Variants in VNN1 observed in about 807,000 individuals in gnomAD.
VNN1 encodes the protein pantetheinase.
Under a neutral mutation model 41.9 loss-of-function variants are expected in VNN1, and 29 were observed. The observed-to-expected ratio is 0.69, with a 90% CI of 0.52 to 0.94. VNN1 has a LOEUF of 0.94. VNN1 is among the 40% of genes least tolerant of loss of function. The pLI is 0.00. For missense variants in VNN1, 637 were observed against 621.1 expected, an observed-to-expected ratio of 1.03 and a Z score of -0.27; for synonymous variants, 233 against 224.4, an observed-to-expected ratio of 1.04 and a Z score of -0.34.
intron 2 of VNN1, among the ~76,000 whole-genome samples, chr6:132,700,411 T>A (rs1056202074): frequency 1.3e-5 from 2 of 152,104 alleles, no homozygotes; most frequent in Non-Finnish European, 2.9e-5. Context: ...GATGGGACAA[T>A]GGCAGCAGGC....
At chr6:132,702,463 G>T (rs1778460318) in intron 2 of VNN1, among the ~76,000 whole-genome samples, 1 of 152,146 alleles carries the variant, frequency 6.6e-6, no homozygotes, top group Non-Finnish European at 1.5e-5. Context: ...CAATTCCTAG[G>T]CAAGTCCTAG....
chr6:132,692,111 C>A, intron 5 of VNN1, 112 bp downstream of exon 5: 1 of 1,236,588 alleles, frequency 8.1e-7, no homozygotes, highest in South Asian at 2.5e-5. Flanking sequence ...TACATAAATC[C>A]CCAAAAGTGT....
At position 132,684,589 on chromosome 6, in the gene VNN1, G is replaced by A. The variant is rs1021007454; in HGVS notation, c.1189-84C>T. On this transcript the variant is annotated intron_variant, in intron 5 of 6. Transcript: ENST00000367928. ...GCTTGATTTAATCATTTCACGGTGT[G>A]TACACATATCAAAACGTCACATCAT... is the stretch of plus-strand genomic sequence containing the variant. 21 of 1,398,496 alleles carry A rather than the reference G, an allele frequency of 1.5e-5. No homozygotes were observed. The African/African-American group carries it at 2.1e-4, about 14-fold the overall frequency. The allele number at this position is 1,398,496 out of a possible 1,614,324, so 86.6% of individuals were successfully genotyped here.
chr6:132,683,089 A>T lies in VNN1; in HGVS notation c.*51T>A. On this transcript the variant is annotated 3_prime_UTR_variant, in exon 7 of 7. Transcript: ENST00000367928. Reference sequence around the variant, plus strand: ...AACCCGGACCAATCTTTCTTTTCTCATCCATCATTTTTTAAATTATCCCAA... The same window carrying T: ...AACCCGGACCAATCTTTCTTTTCTCTTCCATCATTTTTTAAATTATCCCAA... The T allele has an allele frequency of 6.6e-7, 1 of 1,521,136 alleles. No homozygotes were observed. Among genetic ancestry groups the T allele is most frequent in the South Asian group, 1.2e-5 (1 of 80,124 alleles). 94.2% of individuals were successfully genotyped at this position (1,521,136 alleles called of 1,614,324 possible). A position where few individuals can be genotyped will look rare whatever the true frequency, so the allele number is the denominator to read the frequency against.
Position 132,680,961 on chromosome 6 carries a change from G to C in VNN1, c.*2179C>G, listed in dbSNP as rs1163429948. Reference sequence around the variant, plus strand: ...TATTTTGAAATACATATCACATATAGCAAAAAGAAAAGGAAAACAATCCTA... The same window carrying C: ...TATTTTGAAATACATATCACATATACCAAAAAGAAAAGGAAAACAATCCTA... On this transcript the variant is annotated 3_prime_UTR_variant, in exon 7 of 7. Transcript: ENST00000367928. Among the ~76,000 whole-genome samples the C allele has an allele frequency of 2.0e-5, 3 of 152,002 alleles. No individual in the cohort carries two copies. Among genetic ancestry groups the C allele is most frequent in the Non-Finnish European group, 4.4e-5 (3 of 68,006 alleles).
At position 132,681,574 on chromosome 6, in the gene VNN1, A is replaced by C. The variant is rs1778121978; in HGVS notation, c.*1566T>G. 6.6e-6 allele frequency: 1 copy of C among 152,374 alleles called. No homozygotes were observed. The highest frequency in any genetic ancestry group is 2.4e-5 in the African/African-American group (1 of 41,460). The allele number at this position is 152,374 out of a possible 1,614,324, so 9.4% of individuals were successfully genotyped here. ...ACTATAGTTGACAACGTTGAGCAAA[A>C]AAGAAACACTTAGGATGTTTTTGAA... On this transcript the variant is annotated 3_prime_UTR_variant, in exon 7 of 7. Transcript: ENST00000367928.
At chr6:132,712,413 G>A (rs1037394370) in intron 1 of VNN1, among the ~76,000 whole-genome samples, 1 of 152,052 alleles carries the variant, frequency 6.6e-6, no homozygotes, top group Non-Finnish European at 1.5e-5. Context: ...GCCTCCCAAA[G>A]TGTTGGAATT....
chr6:132,712,618 G>A (rs774591469), intron 1 of VNN1, among the ~76,000 whole-genome samples: 1 of 152,036 alleles, frequency 6.6e-6, no homozygotes, highest in Non-Finnish European at 1.5e-5. Flanking sequence ...TTCCTCCTCT[G>A]CCCTAGCTTT....
chr6:132,706,564 C>T (rs943084412), intron 2 of VNN1, among the ~76,000 whole-genome samples: 12 of 152,118 alleles, frequency 7.9e-5, no homozygotes, highest in Non-Finnish European at 1.3e-4. Flanking sequence ...TAAAAGAAAA[C>T]TTTGGGGAAA....
chr6:132,696,421 A>T (rs548534598), intron 2 of VNN1, among the ~76,000 whole-genome samples: 1 of 152,302 alleles, frequency 6.6e-6, no homozygotes, highest in African/African-American at 2.4e-5. Context: ...AAAACTTCCC[A>T]AACTTGAAGA....
chr6:132,710,373 T>C (rs1431705362), intron 2 of VNN1, among the ~76,000 whole-genome samples: 1 of 152,100 alleles, frequency 6.6e-6, no homozygotes, highest in Non-Finnish European at 1.5e-5. Context: ...TTTTTAATTT[T>C]AGTATTATTA....
rs149462870 is a variant in VNN1, at chr6:132,705,206, G to A, written c.341+6503C>T. 9.6e-3 allele frequency among the ~76,000 whole-genome samples: 1,457 copies of A among 151,880 alleles called. 14 individuals carry two copies. Among genetic ancestry groups the A allele is most frequent in the Non-Finnish European group, 0.015 (1,036 of 67,858 alleles). ...TAGTATTATACTATACCAAAACCAG[G>A]CAAAGACACATAAAAAAGAAAACTA... On this transcript the variant is annotated intron_variant, in intron 2 of 6. Transcript: ENST00000367928.
intron 2 of VNN1, among the ~76,000 whole-genome samples, chr6:132,704,100 C>T (rs1025294439): frequency 6.6e-6 from 1 of 151,702 alleles, no homozygotes; most frequent in Non-Finnish European, 1.5e-5. Context: ...GATCCCAATG[C>T]AATAATAGCT....
intron 5 of VNN1, among the ~76,000 whole-genome samples, chr6:132,688,999 C>T (rs1344560404): frequency 6.6e-6 from 1 of 152,164 alleles, no homozygotes; most frequent in Non-Finnish European, 1.5e-5. Context: ...AGCAATTCTC[C>T]TGTCTCAGCC....
chr6:132,707,553 G>A lies in VNN1; in HGVS notation c.341+4156C>T, dbSNP rs1032075676. Reference sequence around the variant, plus strand: ...ATTTGGAAACAACCGTGTGGTACATGTACACAATAAAGTACTATTCAGCTA... The same window carrying A: ...ATTTGGAAACAACCGTGTGGTACATATACACAATAAAGTACTATTCAGCTA... On this transcript the variant is annotated intron_variant, in intron 2 of 6. Transcript: ENST00000367928. Among the ~76,000 whole-genome samples, 2 of 152,266 alleles carry A rather than the reference G, an allele frequency of 1.3e-5. 1 individual carries two copies. The highest frequency in any genetic ancestry group is 3.9e-4 in the East Asian group (2 of 5,190).
rs759553151 is a variant in VNN1 at position 132,694,057 on chromosome 6, C to T, written c.467G>A (p.Gly156Asp). Residue 156 changes from glycine (G) to aspartate (D), a missense_variant, in exon 3 of 7, where the codon GGC becomes GAC. Physicochemically the swap from Gly to Asp is moderately conservative, Grantham distance 94. Transcript: ENST00000367928. ...CACATCAGTGTTGTATTGGTAACGG[C>T]CATCAGGGGGACACTGAGGATCACT... ...DTSDPQCPPD[G>D]RYQYNTDVVF... is the part of the protein sequence containing the mutation. The T allele has an allele frequency of 3.7e-6, 6 of 1,614,060 alleles. No homozygotes were observed. The highest frequency in any genetic ancestry group is 2.2e-5 in the East Asian group (1 of 44,894).
chr6:132,692,112 C>A, intron 5 of VNN1, 111 bp downstream of exon 5: 1 of 1,250,878 alleles, frequency 8.0e-7, no homozygotes, highest in Non-Finnish European at 1.0e-6. Context: ...ACATAAATCC[C>A]CAAAAGTGTG....
At chr6:132,711,887 G>A (rs1221294807) in intron 1 of VNN1, 48 bp from the exon 2 acceptor site, 13 of 1,601,820 alleles carry the variant, frequency 8.1e-6, no homozygotes, top group Non-Finnish European at 1.1e-5. Context: ...AAGAGGAGCT[G>A]AGGAGCTGAG....
intron 2 of VNN1, among the ~76,000 whole-genome samples, chr6:132,707,419 C>T (rs764585674): frequency 3.3e-5 from 5 of 152,230 alleles, no homozygotes; most frequent in Non-Finnish European, 5.9e-5. Context: ...AGCCACCATA[C>T]GATCCAGCAA....
Sources: allele counts gnomAD v4.1 joint callset (sites outside exome capture counted in the v4.1 genomes callset), GRCh38; gene constraint gnomAD v4.1.1; transcripts MANE v1.5; gene names NCBI Gene and HGNC (gene_info 2026-07-23, HGNC 2026-07-21).